The following ASIC2 variants were observed in gnomAD, a reference collection of about 807,000 sequenced individuals.
ASIC2 encodes the protein acid sensing ion channel subunit 2.
Under a neutral mutation model 57.3 loss-of-function variants are expected in ASIC2, and 25 were observed. That is an observed-to-expected ratio of 0.44 (90% CI 0.32 to 0.61). The LOEUF is 0.61. Among genes scored for constraint, ASIC2 ranks in the 20% least tolerant of loss-of-function variants. ASIC2 has a pLI of 0.06. For missense variants in ASIC2, 641 were observed against 738.1 expected (o/e 0.87, Z 1.52); for synonymous variants, 319 against 307.5 (o/e 1.04, Z -0.39).
intron 1 of ASIC2, among the ~76,000 whole-genome samples, chr17:33,552,848 G>A (rs1165501277): frequency 6.6e-6 from 1 of 152,218 alleles, no homozygotes. Context: ...TTAGTGCAAT[G>A]GGCATGGCTG....
chr17:33,236,439 G>A (rs1326536487), intron 1 of ASIC2, among the ~76,000 whole-genome samples: 2 of 152,018 alleles, frequency 1.3e-5, no homozygotes, highest in African/African-American at 4.8e-5. Flanking sequence ...GAACTCCTGG[G>A]CTCAAGTTAT....
At chr17:33,048,535 T>G (rs1344812136) in intron 3 of ASIC2, among the ~76,000 whole-genome samples, 2 of 152,212 alleles carry the variant, frequency 1.3e-5, no homozygotes, top group Non-Finnish European at 2.9e-5. Context: ...GGATGGGCCT[T>G]GTATGTCCTA....
intron 1 of ASIC2, among the ~76,000 whole-genome samples, chr17:33,711,607 G>T (rs1187748817): frequency 6.6e-6 from 1 of 152,178 alleles, no homozygotes; most frequent in Non-Finnish European, 1.5e-5. Context: ...GGCTCAGGGG[G>T]CCTCAGGAAA....
At chr17:33,474,531 G>A (rs1913156721) in intron 1 of ASIC2, among the ~76,000 whole-genome samples, 1 of 152,220 alleles carries the variant, frequency 6.6e-6, no homozygotes, top group South Asian at 2.1e-4. Flanking sequence ...GGGAACGGAA[G>A]AGAACTGATC....
intron 1 of ASIC2, among the ~76,000 whole-genome samples, chr17:34,075,392 GAC>G (rs1470649943): frequency 6.6e-6 from 1 of 152,130 alleles, no homozygotes; most frequent in Non-Finnish European, 1.5e-5. Context: ...CCCTTTCCGA[GAC>G]ACAGTTTCCC....
Position 33,641,140 on chromosome 17 carries a change from A to T in ASIC2, c.555+514838T>A, listed in dbSNP as rs752462152. ...CCTCTGTTCCTCTCTCCATGGAGACATCTGTTCCCTTGGGTGGCTTCCTGG... is the reference window on the plus strand; with the variant it reads ...CCTCTGTTCCTCTCTCCATGGAGACTTCTGTTCCCTTGGGTGGCTTCCTGG... On this transcript the variant is annotated intron_variant, in intron 1 of 9. Coordinates refer to the ASIC2 transcript ENST00000359872. Among the ~76,000 whole-genome samples, 5 of 152,118 alleles carry T rather than the reference A, an allele frequency of 3.3e-5. No individual in the cohort carries two copies. The South Asian group carries it at 1.0e-3, about 31-fold the overall frequency.
intron 1 of ASIC2, among the ~76,000 whole-genome samples, chr17:34,130,018 C>T (rs1326959401): frequency 3.9e-5 from 6 of 152,158 alleles, no homozygotes; most frequent in South Asian, 2.1e-4. Context: ...AATTAGAGAA[C>T]GATAAAGCCA....
At chr17:33,220,314 C>A (rs1210286676) in intron 1 of ASIC2, among the ~76,000 whole-genome samples, 1 of 152,130 alleles carries the variant, frequency 6.6e-6, no homozygotes, top group Non-Finnish European at 1.5e-5. Flanking sequence ...AATATACTTC[C>A]AGCAGTTTTT....
intron 3 of ASIC2, among the ~76,000 whole-genome samples, chr17:33,048,816 G>A (rs1039160584): frequency 6.6e-6 from 1 of 152,166 alleles, no homozygotes; most frequent in South Asian, 2.1e-4. Flanking sequence ...TGTCTGCCTG[G>A]ACTTTGGGGT....
intron 1 of ASIC2, among the ~76,000 whole-genome samples, chr17:33,451,464 T>C (rs2141990320): frequency 6.6e-6 from 1 of 152,276 alleles, no homozygotes; most frequent in South Asian, 2.1e-4. Context: ...GAAATCCTCT[T>C]TTCCAGGCTC....
chr17:33,027,812 G>T (rs1248410833), intron 4 of ASIC2, among the ~76,000 whole-genome samples: 1 of 152,230 alleles, frequency 6.6e-6, no homozygotes, highest in African/African-American at 2.4e-5. Flanking sequence ...ACATTTATTT[G>T]CTGGCCAATA....
At chr17:33,101,145 G>C (rs2092210648) in intron 2 of ASIC2, among the ~76,000 whole-genome samples, 1 of 152,112 alleles carries the variant, frequency 6.6e-6, no homozygotes, top group African/African-American at 2.4e-5. Context: ...CTCTCATTCT[G>C]GGGAGCTCCT....
chr17:33,157,184 C>T (rs1905029292), intron 1 of ASIC2, among the ~76,000 whole-genome samples: 1 of 152,158 alleles, frequency 6.6e-6, no homozygotes, highest in African/African-American at 2.4e-5. Flanking sequence ...AGTTCATTAC[C>T]TTGCTTGTCC....
intron 1 of ASIC2, among the ~76,000 whole-genome samples, chr17:33,791,546 A>C (rs1276442461): frequency 6.6e-6 from 1 of 152,140 alleles, no homozygotes; most frequent in Admixed American, 6.5e-5. Flanking sequence ...CAAATTTGAC[A>C]CATTAATATT....
intron 4 of ASIC2, among the ~76,000 whole-genome samples, chr17:33,027,763 A>T (rs1166408033): frequency 6.6e-6 from 1 of 152,254 alleles, no homozygotes; most frequent in Non-Finnish European, 1.5e-5. Context: ...AGATGGCCAC[A>T]TGCATTGTTA....
intron 1 of ASIC2, chr17:33,623,333 T>C (rs571340846): frequency 3.5e-4 from 54 of 152,564 alleles, no homozygotes; most frequent in Admixed American, 7.8e-4. Context: ...CAATCTCGGC[T>C]CACTGCAACC....
chr17:34,079,652 C>T (rs1909803850), intron 1 of ASIC2, among the ~76,000 whole-genome samples: 1 of 152,188 alleles, frequency 6.6e-6, no homozygotes, highest in African/African-American at 2.4e-5. Context: ...AGGACTGACA[C>T]CCAAATAGGT....
At chr17:33,343,614 G>A (rs1042541177) in intron 1 of ASIC2, among the ~76,000 whole-genome samples, 2 of 152,140 alleles carry the variant, frequency 1.3e-5, no homozygotes, top group African/African-American at 4.8e-5. Context: ...TCTAACTGGT[G>A]GGTTGACATG....
intron 1 of ASIC2, among the ~76,000 whole-genome samples, chr17:33,282,721 G>T (rs190859084): frequency 1.3e-5 from 2 of 151,996 alleles, no homozygotes; most frequent in Non-Finnish European, 2.9e-5. Context: ...GTGATCTGCC[G>T]CCTCAGCTTC....
Sources: allele counts gnomAD v4.1 joint callset (sites outside exome capture counted in the v4.1 genomes callset), GRCh38; gene constraint gnomAD v4.1.1; transcripts MANE v1.5; gene names NCBI Gene and HGNC (gene_info 2026-07-23, HGNC 2026-07-21).